The following SACS variants were observed in gnomAD, a reference collection of about 807,000 sequenced individuals.
The protein encoded by SACS is sacsin molecular chaperone.
Under a neutral mutation model 348.0 loss-of-function variants are expected in SACS, and 197 were observed. The ratio of observed to expected loss-of-function variants is 0.57; its 90% CI spans 0.50 to 0.64. The LOEUF (loss-of-function observed/expected upper bound fraction) is 0.64, where lower values mean the gene tolerates loss of function less well. Among genes scored for constraint, SACS ranks in the 30% least tolerant of loss-of-function variants. SACS has a pLI of 0.00. For synonymous variants in SACS, 1,985 were observed against 1,910.6 expected (o/e 1.04, Z -1.02); for missense variants, 4,999 against 5,360.8 (o/e 0.93, Z 2.11).
intron 1 of SACS, chr13:23,428,763 T>C (rs1354940994): frequency 1.3e-5 from 2 of 152,204 alleles, no homozygotes; most frequent in South Asian, 2.1e-4. Flanking sequence ...ATACAAATCT[T>C]TCTCATCTAC....
chr13:23,359,582 T>C (rs1870608115), intron 6 of SACS, among the ~76,000 whole-genome samples: 3 of 152,228 alleles, frequency 2.0e-5, no homozygotes, highest in Admixed American at 2.0e-4. Context: ...TTATAAAATA[T>C]TTCTGCACAA....
Position 23,380,148 on chromosome 13 carries a change from T to TGTGTGA in SACS, c.21-4880_21-4879insTCACAC, listed in dbSNP as rs35527942. On this transcript the variant is annotated intron_variant, in intron 2 of 9. Coordinates refer to ENST00000382292, the MANE Select transcript of SACS (RefSeq NM_014363.6). ...GTGTGTGTGTGTGTGTGTGTGTGTG[T>TGTGTGA]GAGAGAGAGAGAGAGAGAGAGAAAG... 3.7e-3 allele frequency among the ~76,000 whole-genome samples: 548 copies of TGTGTGA among 147,762 alleles called. 5 individuals are homozygous for TGTGTGA. Among genetic ancestry groups the TGTGTGA allele is most frequent in the Non-Finnish European group, 8.4e-4 (56 of 66,314 alleles).
At chr13:23,367,281 A>G (rs1871115928) in intron 5 of SACS, among the ~76,000 whole-genome samples, 1 of 152,216 alleles carries the variant, frequency 6.6e-6, no homozygotes, top group African/African-American at 2.4e-5. Flanking sequence ...GACTGCTCCA[A>G]CAGCCCAGTC....
In SACS at chr13:23,365,193, A is replaced by C. The variant is rs1462876988; in HGVS notation, c.430T>G (p.Trp144Gly). The change falls in exon 6 of 10, where the codon TGG becomes GGG. Residue 144 changes from tryptophan to glycine, a missense_variant. By Grantham distance (184) the Trp-to-Gly change is radical. Transcript: ENST00000382292. ...DETQYGTETL[W>G]SKDMAPYQGP... is the part of the protein sequence containing the mutation. ...TGATATGGCGCCATATCTTTTGACCAAAGAGTCTCTGTTCCGTATTGAGTT... is the reference window on the plus strand; with the variant it reads ...TGATATGGCGCCATATCTTTTGACCCAAGAGTCTCTGTTCCGTATTGAGTT... 6.2e-7 allele frequency: 1 copy of C among 1,612,496 alleles called. No homozygotes were observed. The highest frequency in any genetic ancestry group is 8.5e-7 in the Non-Finnish European group (1 of 1,179,230).
rs1870197310 is a variant in SACS, at chr13:23,354,550, C to T, written c.2062G>A (p.Val688Ile). 1.9e-6 allele frequency: 3 copies of T among 1,614,044 alleles called. No individual in the cohort carries two copies. Among genetic ancestry groups the T allele is most frequent in the Non-Finnish European group, 2.5e-6 (3 of 1,180,020 alleles). The stretch of plus-strand genomic sequence containing the variant: ...TATTCTGCTGAGGTAATATAAATGA[C>T]ATCTTGGTCTGATACAGATGAGGAG... ...PFSSSVSDQD[V>I]IYITSAEYPR... Residue 688 changes from valine (V) to isoleucine (I), a missense_variant, in exon 8 of 10, where the codon GTC (valine) becomes ATC (isoleucine). This residue lies in a region of SACS where 3,156 missense variants were observed against 3,380.1 expected (regional missense o/e 0.93). Coordinates refer to ENST00000382292, the MANE Select transcript of SACS (RefSeq NM_014363.6).
At chr13:23,384,469 G>A (rs1333738628) in intron 2 of SACS, among the ~76,000 whole-genome samples, 1 of 152,198 alleles carries the variant, frequency 6.6e-6, no homozygotes, top group Non-Finnish European at 1.5e-5. Flanking sequence ...TAAATTAGGG[G>A]AAGAAAAGGA....
At chr13:23,374,429 T>C (rs1004538576) in intron 3 of SACS, among the ~76,000 whole-genome samples, 3 of 152,238 alleles carry the variant, frequency 2.0e-5, no homozygotes, top group Non-Finnish European at 4.4e-5. Flanking sequence ...GTGACTCTTT[T>C]AAATGCTGGA....
chr13:23,399,536 A>G, intron 2 of SACS, among the ~76,000 whole-genome samples: 1 of 152,072 alleles, frequency 6.6e-6, no homozygotes. Context: ...GCCATATTCA[A>G]TTTTAAACAG....
In SACS at chr13:23,333,151, A is replaced by G. The variant is rs1368388819; in HGVS notation, c.10725T>C (p.His3575=). Reference sequence around the variant, plus strand: ...CCACCCAGGATGTCATAAATGTAACATGATTTTTGGGTTTTATAAGTTGTT... The same window carrying G: ...CCACCCAGGATGTCATAAATGTAACGTGATTTTTGGGTTTTATAAGTTGTT... The part of the protein sequence containing the change: ...KLEQLIKPKN[H]VTFMTSWVEF... The change falls in exon 10 of 10, where the codon CAT becomes CAC. Residue 3575 remains histidine (H), a synonymous_variant. Transcript: ENST00000382292. 1 of 1,612,280 alleles carries G rather than the reference A, an allele frequency of 6.2e-7. No homozygotes were observed. The highest frequency in any genetic ancestry group is 8.5e-7 in the Non-Finnish European group (1 of 1,179,280).
At chr13:23,389,561 C>A (rs1243799242) in intron 2 of SACS, among the ~76,000 whole-genome samples, 1 of 152,186 alleles carries the variant, frequency 6.6e-6, no homozygotes, top group African/African-American at 2.4e-5. Flanking sequence ...ATGTGCTCTA[C>A]TTGCCAAACT....
Position 23,332,828 on chromosome 13 carries a change from T to C in SACS, c.11048A>G (p.Asn3683Ser), listed in dbSNP as rs138609508. Residue 3683 changes from asparagine (N) to serine (S), a missense_variant, in exon 10 of 10, where the codon AAT becomes AGT. Coordinates refer to ENST00000382292, the MANE Select transcript of SACS (RefSeq NM_014363.6). ...VNGTLPLIKF[N>S]GAQVNPKFKQ... ...GAATTTTGGATTTACCTGTGCTCCA[T>C]TGAACTTTATAAGAGGAAGTGTTCC... 5.6e-5 allele frequency: 90 copies of C among 1,613,840 alleles called. No homozygotes were observed. The highest frequency in any genetic ancestry group is 3.6e-4 in the African/African-American group (27 of 75,056).
At position 23,334,168 on chromosome 13, in the gene SACS, G is replaced by T. The variant is rs770472413; in HGVS notation, c.9708C>A (p.Asp3236Glu). The T allele has an allele frequency of 3.1e-6, 5 of 1,613,706 alleles. No homozygotes were observed. In the African/African-American group the frequency reaches 6.7e-5, roughly 22 times the overall value. The change falls in exon 10 of 10, where the codon GAC becomes GAA. Residue 3236 changes from aspartate (D) to glutamate (E), a missense_variant. Physicochemically the swap from Asp to Glu is conservative, Grantham distance 45 (BLOSUM62 2). Coordinates refer to ENST00000382292, the MANE Select transcript of SACS (RefSeq NM_014363.6). ...TAAGCCAAGACTCACTTGCAAAATT[G>T]TCTTTCCACTTTGTGCAACTTTTGG... is the stretch of plus-strand genomic sequence containing the variant. Reference protein sequence around the residue: ...YKTKSCTKWKDNFASESWLKN... With the variant: ...YKTKSCTKWKENFASESWLKN...
chr13:23,355,461 G>A lies in SACS; in HGVS notation c.1151C>T (p.Thr384Ile). 1 of 1,614,026 alleles carries A rather than the reference G, an allele frequency of 6.2e-7. No individual in the cohort carries two copies. ...HVNIVLEEES[T>I]KDAQKTSWLV... ...CCAAGATGTTTTCTGTGCATCCTTA[G>A]TACTCTCCTCTTCTAAAACAATATT... is the stretch of plus-strand genomic sequence containing the variant. Residue 384 changes from threonine to isoleucine, a missense_variant, in exon 8 of 10, where the codon ACT becomes ATT. Transcript: ENST00000382292.
At chr13:23,385,785 T>C (rs1265551886) in intron 2 of SACS, among the ~76,000 whole-genome samples, 1 of 152,220 alleles carries the variant, frequency 6.6e-6, no homozygotes, top group Non-Finnish European at 1.5e-5. Context: ...ATGTATTTCT[T>C]AAATAATAAG....
intron 2 of SACS, among the ~76,000 whole-genome samples, chr13:23,391,312 G>T (rs1872518809): frequency 6.6e-6 from 1 of 152,188 alleles, no homozygotes; most frequent in Admixed American, 6.5e-5. Context: ...TCTTTCCACA[G>T]ACTCCAAATG....
At chr13:23,400,587 A>AT (rs1341791085) in intron 2 of SACS, among the ~76,000 whole-genome samples, 1 of 151,944 alleles carries the variant, frequency 6.6e-6, no homozygotes, top group Non-Finnish European at 1.5e-5. Context: ...CACCCGGCTA[A>AT]TTTTTTGTAT....
rs761454766 is a variant in SACS, at chr13:23,333,750, C to T, written c.10126G>A (p.Ala3376Thr). Residue 3376 changes from alanine to threonine, a missense_variant, in exon 10 of 10, where the codon GCA becomes ACA. Ala to Thr is a moderately conservative substitution (Grantham distance 58, BLOSUM62 0). Transcript: ENST00000382292. ...AAATCATTTTCTACTAATTTTTCTG[C>T]TCTAAATGTTGAAGTTTGGACCATA... ...HYMVQTSTFR[A>T]EKLVENDFEA... 9.9e-6 allele frequency: 16 copies of T among 1,613,664 alleles called. No homozygotes were observed. Among genetic ancestry groups the T allele is most frequent in the Non-Finnish European group, 1.3e-5 (15 of 1,179,796 alleles).
chr13:23,412,016 T>C (rs545408007), intron 1 of SACS, among the ~76,000 whole-genome samples: 2 of 152,248 alleles, frequency 1.3e-5, no homozygotes, highest in South Asian at 4.2e-4. Context: ...TCCCAACACT[T>C]TGGGAGGCAG....
intron 1 of SACS, 63 bp from the exon 2 acceptor site, chr13:23,411,803 C>A (rs950723335): frequency 1.3e-5 from 2 of 154,732 alleles, no homozygotes; most frequent in Admixed American, 6.5e-5. Context: ...AGTCAATGCA[C>A]TGAAAATGCA....
Sources: allele counts gnomAD v4.1 joint callset (sites outside exome capture counted in the v4.1 genomes callset), GRCh38; gene constraint gnomAD v4.1.1; regional missense constraint gnomAD v4.1.1; transcripts MANE v1.5; gene names NCBI Gene and HGNC (gene_info 2026-07-23, HGNC 2026-07-21).